Variants in CNBD1 observed in about 807,000 individuals in gnomAD.
The protein encoded by CNBD1 is cyclic nucleotide-binding domain-containing protein 1.
CNBD1 carries 71 observed loss-of-function variants against 54.4 expected under a neutral mutation model. That is an observed-to-expected ratio of 1.30 (90% CI 1.08 to 1.59). The LOEUF (loss-of-function observed/expected upper bound fraction) is 1.59. CNBD1 is among the 40% of genes most tolerant of loss of function. The probability of loss-of-function intolerance (pLI) is 0.00; values close to 1 mark genes in which losing one functional copy is unlikely to be tolerated. For missense variants in CNBD1, 659 were observed against 518.0 expected (o/e 1.27, Z -2.64); for synonymous variants, 182 against 170.7 (o/e 1.07, Z -0.51).
chr8:87,169,956 A>G (rs1813051251), intron 4 of CNBD1, among the ~76,000 whole-genome samples: 1 of 152,200 alleles, frequency 6.6e-6, no homozygotes, highest in East Asian at 1.9e-4. Context: ...TGTCATTAGT[A>G]TTTTGATAGG....
At chr8:87,016,257 C>T (rs556878536) in intron 4 of CNBD1, among the ~76,000 whole-genome samples, 5 of 151,764 alleles carry the variant, frequency 3.3e-5, no homozygotes, top group African/African-American at 1.2e-4. Flanking sequence ...TTTAAACCTT[C>T]AGGATTTTTC....
At chr8:87,194,184 T>C (rs1413940767) in intron 4 of CNBD1, among the ~76,000 whole-genome samples, 1 of 152,166 alleles carries the variant, frequency 6.6e-6, no homozygotes, top group Non-Finnish European at 1.5e-5. Context: ...AACCAGTCCC[T>C]AGTACCAAAA....
chr8:87,379,043 G>A (rs1468497406), intron 10 of CNBD1, among the ~76,000 whole-genome samples: 3 of 150,596 alleles, frequency 2.0e-5, no homozygotes, highest in Admixed American at 6.7e-5. Flanking sequence ...ATCAGCTTAA[G>A]GAGATTTGGG....
Position 87,382,679 on chromosome 8 carries a change from T to G in CNBD1, c.*52T>G, listed in dbSNP as rs1268098301. The G allele has an allele frequency of 2.3e-6, 3 of 1,328,082 alleles. No individual in the cohort carries two copies. In the African/African-American group the frequency reaches 4.4e-5, roughly 19 times the overall value. The allele number at this position is 1,328,082 out of a possible 1,614,324, so 82.3% of individuals were successfully genotyped here. On this transcript the variant is annotated 3_prime_UTR_variant, in exon 11 of 11. Transcript: ENST00000518476. ...AATTAAGAAAGTATTGACTAAATAA[T>G]GGAATAATTGCATTCTGGAATACTA...
intron 8 of CNBD1, among the ~76,000 whole-genome samples, chr8:87,288,037 A>G (rs1400283767): frequency 6.6e-6 from 1 of 152,026 alleles, no homozygotes; most frequent in Non-Finnish European, 1.5e-5. Context: ...ACTGACTTGT[A>G]AAAAATCGGG....
intron 2 of CNBD1, among the ~76,000 whole-genome samples, chr8:87,425,370 G>A (rs1046055783): frequency 7.1e-4 from 108 of 152,276 alleles, no homozygotes; most frequent in Middle Eastern, 3.4e-3. Context: ...GAGGAGCTGC[G>A]TTCCTTTGGA....
chr8:87,364,719 C>A (rs1232918385), intron 10 of CNBD1, among the ~76,000 whole-genome samples: 1 of 151,924 alleles, frequency 6.6e-6, no homozygotes, highest in Non-Finnish European at 1.5e-5. Context: ...CATTTAGCTC[C>A]CACTTACAAG....
intron 4 of CNBD1, among the ~76,000 whole-genome samples, chr8:87,170,075 A>T (rs1291514239): frequency 6.6e-6 from 1 of 151,978 alleles, no homozygotes; most frequent in Non-Finnish European, 1.5e-5. Flanking sequence ...TTGGCCTCTT[A>T]AATTTCTTTT....
intron 5 of CNBD1, among the ~76,000 whole-genome samples, chr8:87,236,102 A>G (rs1807579644): frequency 6.6e-6 from 1 of 152,130 alleles, no homozygotes; most frequent in Non-Finnish European, 1.5e-5. Flanking sequence ...TAAAGTTTCT[A>G]ATTCTTTCAA....
intron 2 of CNBD1, among the ~76,000 whole-genome samples, chr8:87,420,666 T>C (rs899819737): frequency 3.3e-5 from 5 of 152,108 alleles, no homozygotes; most frequent in African/African-American, 9.7e-5. Flanking sequence ...ATTATGCTTT[T>C]GCTATTTAAA....
chr8:87,344,986 T>G (rs78901734), intron 8 of CNBD1, among the ~76,000 whole-genome samples: 1 of 152,162 alleles, frequency 6.6e-6, no homozygotes, highest in African/African-American at 2.4e-5. Flanking sequence ...CTTCTCCTTT[T>G]GACACAAATA....
chr8:87,348,465 A>G (rs886867223), intron 8 of CNBD1, among the ~76,000 whole-genome samples: 5 of 152,202 alleles, frequency 3.3e-5, no homozygotes, highest in Non-Finnish European at 7.4e-5. Flanking sequence ...AACATTCTCA[A>G]AAGGGAAAAT....
chr8:87,257,702 C>T (rs1329994048), intron 6 of CNBD1, among the ~76,000 whole-genome samples: 1 of 152,032 alleles, frequency 6.6e-6, no homozygotes, highest in Non-Finnish European at 1.5e-5. Context: ...AGTTGATTCT[C>T]CAATTTAGGT....
intron 2 of CNBD1, among the ~76,000 whole-genome samples, chr8:86,904,573 T>A (rs1314671836): frequency 6.6e-6 from 1 of 152,092 alleles, no homozygotes; most frequent in East Asian, 1.9e-4. Flanking sequence ...ATCAGAAATT[T>A]TTACTTACAA....
chr8:86,883,880 G>A (rs557097971), intron 1 of CNBD1, among the ~76,000 whole-genome samples: 6 of 152,050 alleles, frequency 3.9e-5, no homozygotes, highest in Non-Finnish European at 8.8e-5. Flanking sequence ...GGCTGGGCGC[G>A]GTGGCTCACG....
intron 4 of CNBD1, among the ~76,000 whole-genome samples, chr8:87,144,240 A>T (rs1563485739): frequency 6.6e-6 from 1 of 152,204 alleles, no homozygotes; most frequent in African/African-American, 2.4e-5. Context: ...GCAAATTCAA[A>T]TTCAAGAGAA....
At chr8:87,383,598 T>C (rs1303511828), downstream of CNBD1, among the ~76,000 whole-genome samples, 1 of 152,028 alleles carries the variant, frequency 6.6e-6, no homozygotes, top group African/African-American at 2.4e-5. Flanking sequence ...TTTTTAATTC[T>C]TACACTATTA....
intron 5 of CNBD1, among the ~76,000 whole-genome samples, chr8:87,229,365 G>A (rs1414450870): frequency 6.6e-6 from 1 of 151,924 alleles, no homozygotes; most frequent in Admixed American, 6.6e-5. Context: ...CATGCTATTT[G>A]TTTCTTCTCA....
At chr8:87,373,492 G>C (rs1407062641) in intron 10 of CNBD1, among the ~76,000 whole-genome samples, 1 of 151,756 alleles carries the variant, frequency 6.6e-6, no homozygotes, top group Non-Finnish European at 1.5e-5. Flanking sequence ...AACATTCACA[G>C]GTTTTGATTT....
Sources: gnomAD v4.1 joint callset for allele counts (sites outside exome capture counted in the v4.1 genomes callset) on GRCh38, gnomAD v4.1.1 for gene constraint, MANE v1.5 for transcripts, NCBI Gene and HGNC (gene_info 2026-07-23, HGNC 2026-07-21) for gene names.